BFSP2: variants seen among roughly 807,000 people sequenced by gnomAD.
BFSP2 encodes phakinin.
A neutral mutation model predicts 44.9 loss-of-function variants in BFSP2; 38 were observed. The observed-to-expected ratio is 0.85, with a 90% confidence interval of 0.65 to 1.11. The LOEUF is 1.11. Ranked by LOEUF, BFSP2 falls within the 50% of genes least tolerant of loss-of-function variation. The pLI is 0.00. For missense variants in BFSP2, 525 were observed against 533.0 expected (o/e 0.99, Z 0.15); for synonymous variants, 197 against 209.9 (o/e 0.94, Z 0.53).
At chr3:133,407,706 G>C (rs558079235) in intron 1 of BFSP2, among the ~76,000 whole-genome samples, 5 of 152,250 alleles carry the variant, frequency 3.3e-5, no homozygotes, top group African/African-American at 7.2e-5. Flanking sequence ...GAACAGAATA[G>C]AACATTCTAT....
chr3:133,471,700 A>G (rs1343872665), intron 5 of BFSP2, among the ~76,000 whole-genome samples: 1 of 152,166 alleles, frequency 6.6e-6, no homozygotes, highest in East Asian at 1.9e-4. Context: ...CTCCTTGGAA[A>G]AAAAGCGGGC....
chr3:133,435,853 C>G (rs996002313), intron 1 of BFSP2, among the ~76,000 whole-genome samples: 3 of 152,190 alleles, frequency 2.0e-5, no homozygotes, highest in Non-Finnish European at 2.9e-5. Flanking sequence ...TCCCCATAAA[C>G]TTTTCATAAA....
intron 1 of BFSP2, among the ~76,000 whole-genome samples, chr3:133,421,249 G>T (rs2073589608): frequency 6.6e-6 from 1 of 152,166 alleles, no homozygotes; most frequent in South Asian, 2.1e-4. Flanking sequence ...GTTTCCCAGG[G>T]CTACCATAAC....
In BFSP2 at chr3:133,448,684, CAGA is replaced by C. The variant is rs761633560; in HGVS notation, c.729+42_729+44del. The C allele has an allele frequency of 4.4e-6, 7 of 1,607,008 alleles. No homozygotes were observed. The South Asian group carries it at 7.8e-5, about 18-fold the overall frequency. ...GGGGTTGCTGGGTTGGCCACAAGAC[CAGA>C]AGTTCACATCTGTCTGCCTGTGCTT... On this transcript the variant is annotated intron_variant, in intron 3 of 6. Transcript: ENST00000302334.
intron 1 of BFSP2, among the ~76,000 whole-genome samples, chr3:133,446,271 A>C (rs1004072658): frequency 4.0e-5 from 6 of 151,760 alleles, no homozygotes; most frequent in African/African-American, 1.5e-4. Flanking sequence ...AAATACAAAA[A>C]TTAGCTGGGC....
chr3:133,441,256 G>A (rs2073842717), intron 1 of BFSP2, among the ~76,000 whole-genome samples: 1 of 151,892 alleles, frequency 6.6e-6, no homozygotes, highest in African/African-American at 2.4e-5. Flanking sequence ...GGCTGGTCTC[G>A]AACTCCTGAC....
chr3:133,431,151 A>T (rs2073713050), intron 1 of BFSP2, among the ~76,000 whole-genome samples: 1 of 152,184 alleles, frequency 6.6e-6, no homozygotes, highest in African/African-American at 2.4e-5. Flanking sequence ...TCTTATTCTC[A>T]ATATACATTT....
chr3:133,405,369 T>C (rs1419682802), intron 1 of BFSP2, among the ~76,000 whole-genome samples: 1 of 152,194 alleles, frequency 6.6e-6, no homozygotes, highest in Non-Finnish European at 1.5e-5. Flanking sequence ...ATTTGACTAT[T>C]TTTCCTGCTG....
chr3:133,460,658 G>T (rs2074053990), intron 4 of BFSP2, among the ~76,000 whole-genome samples: 1 of 152,192 alleles, frequency 6.6e-6, no homozygotes, highest in Non-Finnish European at 1.5e-5. Flanking sequence ...CTTCTGTTGG[G>T]AGCTTTTCAA....
At position 133,460,396 on chromosome 3, in the gene BFSP2, C is replaced by T. The variant is rs188099301; in HGVS notation, c.892-6432C>T. On this transcript the variant is annotated intron_variant, in intron 4 of 6. Coordinates refer to ENST00000302334, the MANE Select transcript of BFSP2 (RefSeq NM_003571.4). ...CTGTTAGTTTGAACTGGACAGACCA[C>T]ATGAATGGGGGGACCTTAATTTGGT... Among the ~76,000 whole-genome samples the T allele has an allele frequency of 9.2e-5, 14 of 152,314 alleles. 1 individual carries two copies. In the East Asian group the frequency reaches 1.3e-3, roughly 15 times the overall value.
chr3:133,473,482 A>T (rs145483240), intron 6 of BFSP2, among the ~76,000 whole-genome samples: 6,587 of 134,252 alleles, frequency 0.049, 200 homozygotes, highest in South Asian at 0.071. Context: ...TTTTTTATTG[A>T]TCATTCTTGG....
intron 1 of BFSP2, among the ~76,000 whole-genome samples, chr3:133,414,994 C>A (rs2073502369): frequency 7.1e-6 from 1 of 141,708 alleles, no homozygotes; most frequent in Non-Finnish European, 1.5e-5. Context: ...CTCTACTCAC[C>A]CTTGTCCTCT....
intron 1 of BFSP2, among the ~76,000 whole-genome samples, chr3:133,436,272 G>C (rs553971597): frequency 1.4e-5 from 2 of 140,774 alleles, no homozygotes; most frequent in African/African-American, 5.6e-5. Flanking sequence ...CTTGCAGTGA[G>C]CCAAGTTCTC....
intron 1 of BFSP2, among the ~76,000 whole-genome samples, chr3:133,441,924 G>T (rs928183289): frequency 6.6e-6 from 1 of 152,218 alleles, no homozygotes; most frequent in Non-Finnish European, 1.5e-5. Context: ...CAAAGGGGAA[G>T]GGAGGAGTGG....
chr3:133,472,220 C>CAAGCTTCTG lies in BFSP2; in HGVS notation c.1024-122_1024-121insCTTCTGAAG, dbSNP rs1313223665. 3 of 1,091,978 alleles carry CAAGCTTCTG rather than the reference C, an allele frequency of 2.7e-6. No homozygotes were observed. The African/African-American group carries it at 4.7e-5, about 17-fold the overall frequency. The allele number at this position is 1,091,978 out of a possible 1,614,324, so 67.6% of individuals were successfully genotyped here. A position where few individuals can be genotyped will look rare whatever the true frequency, so the allele number is the denominator to read the frequency against. On this transcript the variant is annotated intron_variant, in intron 5 of 6. Transcript: ENST00000302334. Reference sequence around the variant, plus strand: ...AACCCCCATCAGTCTCCATAACTGGCAAGGTCCCTGCCACGAGGGGAATAG... The same window carrying CAAGCTTCTG: ...AACCCCCATCAGTCTCCATAACTGGCAAGCTTCTGAAGGTCCCTGCCACGAGGGGAATAG...
At chr3:133,471,801 C>T (rs1222132510) in intron 5 of BFSP2, among the ~76,000 whole-genome samples, 1 of 151,966 alleles carries the variant, frequency 6.6e-6, no homozygotes, top group African/African-American at 2.4e-5. Context: ...AAGGGGAAAG[C>T]GCTGAGTATA....
rs2073443584 is a variant in BFSP2, at chr3:133,410,668, G to A, written c.489+10096G>A. On this transcript the variant is annotated intron_variant, in intron 1 of 6. Coordinates refer to ENST00000302334, the MANE Select transcript of BFSP2 (RefSeq NM_003571.4). ...TCAATGTTACAGAAACCTATTGCCT[G>A]TGTGCAGCCCGTGGGCGGACAGGAG... 2.2e-5 allele frequency: 6 copies of A among 275,730 alleles called. No individual in the cohort carries two copies. In the South Asian group the frequency reaches 3.0e-4, roughly 14 times the overall value. 17.1% of individuals were successfully genotyped at this position (275,730 alleles called of 1,614,324 possible).
intron 1 of BFSP2, among the ~76,000 whole-genome samples, chr3:133,427,062 T>G (rs2073661034): frequency 6.6e-6 from 1 of 152,200 alleles, no homozygotes; most frequent in Non-Finnish European, 1.5e-5. Context: ...CCAGATACCA[T>G]GCATGACTCC....
chr3:133,466,330 T>C (rs1396621527), intron 4 of BFSP2, among the ~76,000 whole-genome samples: 1 of 152,006 alleles, frequency 6.6e-6, no homozygotes, highest in Non-Finnish European at 1.5e-5. Context: ...AGGCATCGTA[T>C]GTTCAAAATA....
Sources: gnomAD v4.1 joint callset for allele counts (sites outside exome capture counted in the v4.1 genomes callset) on GRCh38, gnomAD v4.1.1 for gene constraint, MANE v1.5 for transcripts, NCBI Gene and HGNC (gene_info 2026-07-23, HGNC 2026-07-21) for gene names.